The following ATP8B4 variants were observed in gnomAD, a reference collection of about 807,000 sequenced individuals.
ATP8B4 encodes the protein ATPase phospholipid transporting 8B4 (putative), also known as probable phospholipid-transporting ATPase IM.
ATP8B4 carries 133 observed loss-of-function variants against 145.6 expected under a neutral mutation model. That is an observed-to-expected ratio of 0.91 (90% confidence interval 0.79 to 1.05). The LOEUF (loss-of-function observed/expected upper bound fraction) is 1.05, where lower values mean the gene tolerates loss of function less well. Ranked by LOEUF, ATP8B4 falls within the 50% of genes least tolerant of loss-of-function variation. The probability of loss-of-function intolerance (pLI) is 0.00; values close to 1 mark genes in which losing one functional copy is unlikely to be tolerated. For missense variants in ATP8B4, 1,458 were observed against 1,425.2 expected (o/e 1.02, Z -0.37); for synonymous variants, 507 against 492.9 (o/e 1.03, Z -0.38).
intron 7 of ATP8B4, 113 bp downstream of exon 7, chr15:50,010,732 G>T (rs769386301): frequency 1.4e-5 from 9 of 626,842 alleles, no homozygotes; most frequent in Non-Finnish European, 2.3e-5. Context: ...AATACATACT[G>T]ATGATAATTA....
intron 1 of ATP8B4, among the ~76,000 whole-genome samples, chr15:50,138,422 GAGAGATAGACAGACAGATGAT>G (rs2044160521): frequency 7.7e-6 from 1 of 129,418 alleles, no homozygotes; most frequent in African/African-American, 3.4e-5. Context: ...TAGATAGATA[GAGAGATAGACAGACAGATGAT>G]AGATAGACAG....
intron 20 of ATP8B4, among the ~76,000 whole-genome samples, chr15:49,913,482 T>C (rs551727122): frequency 1.1e-4 from 16 of 152,260 alleles, no homozygotes; most frequent in African/African-American, 3.9e-4. Flanking sequence ...ATGCTCACTT[T>C]TTCCACTCCT....
intron 12 of ATP8B4, among the ~76,000 whole-genome samples, chr15:49,974,827 C>T (rs1407894248): frequency 1.3e-5 from 2 of 152,136 alleles, no homozygotes; most frequent in African/African-American, 2.4e-5. Flanking sequence ...ACAATCAATC[C>T]TTTCTCCATT....
At chr15:50,174,418 C>G (rs754863680) in intron 1 of ATP8B4, among the ~76,000 whole-genome samples, 3 of 152,032 alleles carry the variant, frequency 2.0e-5, no homozygotes, top group Non-Finnish European at 4.4e-5. Context: ...TAGAAAGCTC[C>G]TAGAACTGAT....
At chr15:50,139,624 G>A (rs867944437) in intron 1 of ATP8B4, among the ~76,000 whole-genome samples, 8 of 152,234 alleles carry the variant, frequency 5.3e-5, no homozygotes, top group South Asian at 2.1e-4. Context: ...AAATGTGTCC[G>A]TTCGATGGAT....
intron 6 of ATP8B4, among the ~76,000 whole-genome samples, chr15:50,035,162 A>G (rs1026325783): frequency 1.3e-5 from 2 of 152,214 alleles, no homozygotes; most frequent in African/African-American, 4.8e-5. Flanking sequence ...ACAAAAAAAA[A>G]AGTGAAATTG....
chr15:49,896,537 T>C (rs553758795), intron 23 of ATP8B4: 1 of 152,354 alleles, frequency 6.6e-6, no homozygotes, highest in East Asian at 1.9e-4. Context: ...CTGAGTGTTA[T>C]GGTTACCATT....
chr15:50,138,393 C>G (rs59003983), intron 1 of ATP8B4, among the ~76,000 whole-genome samples: 56 of 103,250 alleles, frequency 5.4e-4, no homozygotes, highest in African/African-American at 2.6e-3. Context: ...GATAGACAGA[C>G]AGACAGACAG....
intron 1 of ATP8B4, among the ~76,000 whole-genome samples, chr15:50,124,368 G>A (rs748043947): frequency 5.3e-5 from 8 of 151,954 alleles, no homozygotes; most frequent in Non-Finnish European, 7.4e-5. Context: ...TTCCTGTGTG[G>A]GATTTTCCAT....
At chr15:49,994,652 G>A (rs1281284685) in intron 9 of ATP8B4, among the ~76,000 whole-genome samples, 1 of 151,944 alleles carries the variant, frequency 6.6e-6, no homozygotes, top group African/African-American at 2.4e-5. Flanking sequence ...GCAGGGTATG[G>A]TGGATTGAGA....
intron 3 of ATP8B4, among the ~76,000 whole-genome samples, chr15:50,048,705 CAA>C (rs34007897): frequency 4.2e-5 from 5 of 117,742 alleles, no homozygotes; most frequent in Admixed American, 8.8e-5. Flanking sequence ...AAGACTCTGC[CAA>C]AAAAAAAAAA....
intron 1 of ATP8B4, among the ~76,000 whole-genome samples, chr15:50,107,963 C>A (rs1432188159): frequency 1.3e-5 from 2 of 151,958 alleles, no homozygotes; most frequent in African/African-American, 4.8e-5. Context: ...CTTTTCTGGC[C>A]CCTGGAGTAT....
intron 3 of ATP8B4, among the ~76,000 whole-genome samples, chr15:50,055,289 C>A (rs947750529): frequency 6.6e-5 from 10 of 152,216 alleles, no homozygotes; most frequent in African/African-American, 2.4e-4. Flanking sequence ...CCATTCAACT[C>A]AAACTAAGTC....
chr15:50,029,196 C>G (rs990823638), intron 6 of ATP8B4, among the ~76,000 whole-genome samples: 5 of 139,070 alleles, frequency 3.6e-5, no homozygotes, highest in African/African-American at 1.1e-4. Context: ...TCACGCCACA[C>G]GCCACTGCAC....
upstream of ATP8B4, among the ~76,000 whole-genome samples, chr15:50,123,924 A>C (rs1218460711): frequency 6.6e-6 from 1 of 152,122 alleles, no homozygotes; most frequent in Non-Finnish European, 1.5e-5. Context: ...TAAAGGGATG[A>C]TATCAATAAA....
At chr15:49,970,081 C>A (rs1230517340) in intron 13 of ATP8B4, among the ~76,000 whole-genome samples, 1 of 152,094 alleles carries the variant, frequency 6.6e-6, no homozygotes, top group Non-Finnish European at 1.5e-5. Context: ...CCCCTTCATG[C>A]TAAAAACTCT....
At position 49,968,913 on chromosome 15, in the gene ATP8B4, C is replaced by A. The variant is rs563958111; in HGVS notation, c.1243+3669G>T. Among the ~76,000 whole-genome samples the A allele has an allele frequency of 2.6e-5, 4 of 152,224 alleles. No individual in the cohort carries two copies. In the South Asian group the frequency reaches 6.2e-4, roughly 24 times the overall value. ...AGCAAATGCAAAAGAATGGAAATCACAACAAACAGTCTCTCAGACCACAGT... is the reference window on the plus strand; with the variant it reads ...AGCAAATGCAAAAGAATGGAAATCAAAACAAACAGTCTCTCAGACCACAGT... On this transcript the variant is annotated intron_variant, in intron 13 of 27. Coordinates refer to ENST00000284509, the MANE Select transcript of ATP8B4 (RefSeq NM_024837.4).
intron 3 of ATP8B4, among the ~76,000 whole-genome samples, chr15:50,067,598 T>G (rs993791606): frequency 6.6e-6 from 1 of 152,172 alleles, no homozygotes; most frequent in African/African-American, 2.4e-5. Flanking sequence ...ACCTTTTCAT[T>G]CTTACCTATT....
chr15:50,056,792 C>A (rs2052639430), intron 3 of ATP8B4, among the ~76,000 whole-genome samples: 1 of 151,554 alleles, frequency 6.6e-6, no homozygotes, highest in East Asian at 1.9e-4. Flanking sequence ...ACATATAGTA[C>A]ACACATGCAT....
Sources: gnomAD v4.1 joint callset for allele counts (sites outside exome capture counted in the v4.1 genomes callset) on GRCh38, gnomAD v4.1.1 for gene constraint, MANE v1.5 for transcripts, NCBI Gene and HGNC (gene_info 2026-07-23, HGNC 2026-07-21) for gene names.